Variants in GBX1 observed in about 807,000 individuals in gnomAD.
GBX1 encodes the protein homeobox protein GBX-1.
Under a neutral mutation model 22.9 loss-of-function variants are expected in GBX1, and 9 were observed. That is an observed-to-expected ratio of 0.39 (90% CI 0.24 to 0.69). GBX1 has a LOEUF of 0.69. Among genes scored for constraint, GBX1 ranks in the 30% least tolerant of loss-of-function variants. The probability of loss-of-function intolerance (pLI) is 0.43; values close to 1 mark genes in which losing one functional copy is unlikely to be tolerated. For synonymous variants in GBX1, 203 were observed against 227.3 expected, an observed-to-expected ratio of 0.89 and a Z score of 0.96; for missense variants, 494 against 509.2, an observed-to-expected ratio of 0.97 and a Z score of 0.29.
At chr7:151,166,889 TA>T in intron 1 of GBX1, 121 bp downstream of exon 1, 1 of 960,780 alleles carries the variant, frequency 1.0e-6, no homozygotes, top group Non-Finnish European at 1.6e-6. Context: ...GCGCGCGATC[TA>T]AAGGTCTGGG....
chr7:151,151,073 A>G (rs1801074302), intron 1 of GBX1, among the ~76,000 whole-genome samples: 1 of 152,074 alleles, frequency 6.6e-6, no homozygotes, highest in Non-Finnish European at 1.5e-5. Context: ...CTTTTTCCAC[A>G]TCACCCATCT....
At chr7:151,156,355 C>CAGTTTGG (rs1801133414) in intron 1 of GBX1, among the ~76,000 whole-genome samples, 1 of 116,882 alleles carries the variant, frequency 8.6e-6, no homozygotes, top group Non-Finnish European at 1.6e-5. Context: ...CACTGCACTC[C>CAGTTTGG]AGTTTGGGCG....
intron 1 of GBX1, among the ~76,000 whole-genome samples, chr7:151,157,522 T>C (rs1027459858): frequency 6.6e-6 from 1 of 152,228 alleles, no homozygotes; most frequent in Non-Finnish European, 1.5e-5. Context: ...ACTATTTAGC[T>C]AGCCAGTGGG....
chr7:151,167,082 G>GC lies in GBX1; in HGVS notation c.466dup (p.Ala156GlyfsTer34). On this transcript the variant is annotated frameshift_variant, in exon 1 of 2. Coordinates refer to ENST00000297537, the MANE Select transcript of GBX1 (RefSeq NM_001098834.3). LOFTEE classifies it high-confidence loss of function. This position sits in a 1 kb window ranked among gnomAD's most constrained non-coding sequence, Gnocchi z 5.9. ...TGGGGGCTCTGCCACTTTCTCCCGG[G>GC]CCGGCAGCAGCTCATCAGCTTCCAG... The GC allele has an allele frequency of 6.2e-7, 1 of 1,602,688 alleles. No homozygotes were observed. The highest frequency in any genetic ancestry group is 8.5e-7 in the Non-Finnish European group (1 of 1,176,216).
chr7:151,156,208 A>G (rs1344903324), intron 1 of GBX1, among the ~76,000 whole-genome samples: 1 of 151,676 alleles, frequency 6.6e-6, no homozygotes, highest in East Asian at 1.9e-4. Context: ...ACATGATGAA[A>G]CCCTGTCTCT....
intron 1 of GBX1, among the ~76,000 whole-genome samples, chr7:151,155,090 T>C (rs1009393796): frequency 2.0e-5 from 3 of 152,200 alleles, no homozygotes; most frequent in Non-Finnish European, 2.9e-5. Flanking sequence ...TGAGTATTCA[T>C]AGAAGAGAAG....
chr7:151,157,845 G>A (rs1801152774), intron 1 of GBX1, among the ~76,000 whole-genome samples: 1 of 152,310 alleles, frequency 6.6e-6, no homozygotes, highest in Non-Finnish European at 1.5e-5. Flanking sequence ...TAGCGAATTA[G>A]TCATCCCAGG....
intron 1 of GBX1, among the ~76,000 whole-genome samples, chr7:151,152,021 A>G (rs1175072309): frequency 6.6e-6 from 1 of 152,112 alleles, no homozygotes; most frequent in African/African-American, 2.4e-5. Context: ...CATTTTACCA[A>G]TTTTATTCAT....
At position 151,148,871 on chromosome 7, in the gene GBX1, G is replaced by A. The variant is rs763778291; in HGVS notation, c.810C>T (p.Ser270=). 1.7e-5 allele frequency: 28 copies of A among 1,614,028 alleles called. No individual in the cohort carries two copies. The East Asian group carries it at 3.8e-4, about 22-fold the overall frequency. Residue 270 remains serine, a synonymous_variant, in exon 2 of 2, where the codon AGC becomes AGT. Coordinates refer to ENST00000297537, the MANE Select transcript of GBX1 (RefSeq NM_001098834.3). The surrounding 1 kb of genome is among the most constrained non-coding windows in gnomAD (Gnocchi z 5.1). ...CCTTCTCCAATTCCAAAAGCTGCTC[G>A]CTGGTAAATGCTGTGCGGCGCCGTC... The part of the protein sequence containing the change: ...KSRRRRTAFT[S]EQLLELEKEF...
rs1801047863 is a variant in GBX1 at position 151,149,064 on chromosome 7, T to C, written c.617A>G (p.Glu206Gly). The change falls in exon 2 of 2, where the codon GAA becomes GGA. Residue 206 changes from glutamate to glycine, a missense_variant. By Grantham distance (98) the Glu-to-Gly change is moderately conservative. Around this residue, in one of 3 missense-constraint regions of GBX1, gnomAD observed 365 missense variants for 340.4 expected, o/e 1.07. Coordinates refer to ENST00000297537, the MANE Select transcript of GBX1 (RefSeq NM_001098834.3). ...AGDPAGSEQE[E>G]EGSGGDSEDD... ...CTCGCTGTCACCGCCTGAGCCCTCT[T>C]CCTCCTGTTCGCTGCCTGCTGGGTC... The C allele has an allele frequency of 1.2e-6, 2 of 1,613,664 alleles. No homozygotes were observed. The highest frequency in any genetic ancestry group is 1.1e-5 in the South Asian group (1 of 91,080).
rs72617361 is a variant in GBX1, at chr7:151,157,946, T to C, written c.539-8804A>G. Among the ~76,000 whole-genome samples, 1,751 of 152,324 alleles carry C rather than the reference T, an allele frequency of 0.011. 162 individuals carry two copies. The East Asian group carries it at 0.25, about 21-fold the overall frequency. ...AACTGCATGTGCTTGTGCCTTCTCT[T>C]ACCTCTAGCTAAATGAAGAAAGCTG... On this transcript the variant is annotated intron_variant, in intron 1 of 1. Coordinates refer to ENST00000297537, the MANE Select transcript of GBX1 (RefSeq NM_001098834.3).
At chr7:151,161,487 C>T (rs778238458) in intron 1 of GBX1, among the ~76,000 whole-genome samples, 1 of 152,134 alleles carries the variant, frequency 6.6e-6, no homozygotes, top group Non-Finnish European at 1.5e-5. Context: ...CCCTTAAGTC[C>T]TTTGTCAGTC....
rs528778412 is a variant in GBX1 at position 151,155,288 on chromosome 7, G to T, written c.539-6146C>A. 6.8e-4 allele frequency among the ~76,000 whole-genome samples: 103 copies of T among 152,262 alleles called. 1 individual carries two copies. The highest frequency in any genetic ancestry group is 2.6e-4 in the Admixed American group (4 of 15,306). On this transcript the variant is annotated intron_variant, in intron 1 of 1. Transcript: ENST00000297537. ...AGTTCCAGTTTGGGTGGGGTCAAAA[G>T]GTGGGAAGAAACACAGGTCATTCCT... is the stretch of plus-strand genomic sequence containing the variant.
intron 1 of GBX1, among the ~76,000 whole-genome samples, chr7:151,160,344 C>T (rs1801177033): frequency 6.6e-6 from 1 of 152,154 alleles, no homozygotes; most frequent in Non-Finnish European, 1.5e-5. Flanking sequence ...ATGGAGACAC[C>T]TCTGCATTAC....
intron 1 of GBX1, among the ~76,000 whole-genome samples, chr7:151,164,825 GCT>G (rs1476974141): frequency 4.2e-5 from 5 of 118,904 alleles, no homozygotes; most frequent in Non-Finnish European, 8.1e-5. Flanking sequence ...GGATGATGAA[GCT>G]CTGTCATTTT....
intron 1 of GBX1, among the ~76,000 whole-genome samples, chr7:151,163,888 A>G (rs957885788): frequency 6.6e-6 from 1 of 152,110 alleles, no homozygotes; most frequent in Non-Finnish European, 1.5e-5. Flanking sequence ...TCAATCTACC[A>G]TTTTCAATAA....
intron 1 of GBX1, among the ~76,000 whole-genome samples, chr7:151,156,405 A>AC (rs1801135175): frequency 6.7e-6 from 1 of 149,470 alleles, no homozygotes; most frequent in Admixed American, 6.7e-5. Flanking sequence ...AAAAAAAAAA[A>AC]AAAAAAAAAA....
chr7:151,161,290 C>T (rs1014589816), intron 1 of GBX1, among the ~76,000 whole-genome samples: 1 of 152,186 alleles, frequency 6.6e-6, no homozygotes, highest in Non-Finnish European at 1.5e-5. Flanking sequence ...TCCTAATCAT[C>T]TATTATATAT....
chr7:151,159,377 A>G, intron 1 of GBX1, among the ~76,000 whole-genome samples: 1 of 151,972 alleles, frequency 6.6e-6, no homozygotes, highest in East Asian at 1.9e-4. Context: ...CAGAGACTGA[A>G]TTTTTGTTGT....
Sources: allele counts gnomAD v4.1 joint callset (sites outside exome capture counted in the v4.1 genomes callset), GRCh38; gene constraint gnomAD v4.1.1; regional missense constraint gnomAD v4.1.1; non-coding constraint Gnocchi (gnomAD v3.1); transcripts MANE v1.5; gene names NCBI Gene and HGNC (gene_info 2026-07-23, HGNC 2026-07-21).